The following LINGO1 variants were observed in gnomAD, a reference collection of about 807,000 sequenced individuals.
LINGO1 encodes leucine-rich repeat and immunoglobulin-like domain-containing nogo receptor-interacting protein 1.
Under a neutral mutation model 37.3 loss-of-function variants are expected in LINGO1, and 11 were observed. The observed-to-expected ratio is 0.29, with a 90% CI of 0.19 to 0.49. The LOEUF is 0.49. LINGO1 is among the 20% of genes least tolerant of loss of function. The pLI is 0.99. For missense variants in LINGO1, 585 were observed against 878.2 expected (o/e 0.67, Z 4.22); for synonymous variants, 387 against 403.0 (o/e 0.96, Z 0.48).
At chr15:77,817,891 C>A (rs1253285700) in intron 1 of LINGO1, among the ~76,000 whole-genome samples, 2 of 152,166 alleles carry the variant, frequency 1.3e-5, no homozygotes, top group Non-Finnish European at 2.9e-5. Flanking sequence ...CTGAGAGATT[C>A]CAGAAGGATA....
intron 1 of LINGO1, among the ~76,000 whole-genome samples, chr15:77,776,351 C>A (rs949185006): frequency 6.6e-6 from 1 of 151,394 alleles, no homozygotes; most frequent in Admixed American, 6.6e-5. Context: ...TCCAGCACCC[C>A]CTCCACCATG....
chr15:77,664,141 G>GTGTGTGTC (rs1377834088), intron 3 of LINGO1, among the ~76,000 whole-genome samples: 1 of 126,648 alleles, frequency 7.9e-6, no homozygotes, highest in Admixed American at 7.5e-5. Context: ...GTGTGTGTGT[G>GTGTGTGTC]TGTGTGTGTG....
chr15:77,818,143 C>T (rs2077063423), intron 1 of LINGO1, among the ~76,000 whole-genome samples: 1 of 152,152 alleles, frequency 6.6e-6, no homozygotes, highest in Non-Finnish European at 1.5e-5. Flanking sequence ...GCTGGAAGGA[C>T]TCAGGAGCAA....
intron 1 of LINGO1, among the ~76,000 whole-genome samples, chr15:77,631,298 C>T (rs2074246883): frequency 6.6e-6 from 1 of 152,230 alleles, no homozygotes; most frequent in African/African-American, 2.4e-5. Context: ...CAGCCCCTAC[C>T]TCAGGGCCTC....
At chr15:77,711,886 G>C (rs541673568) in intron 2 of LINGO1, among the ~76,000 whole-genome samples, 160 of 150,864 alleles carry the variant, frequency 1.1e-3, no homozygotes, top group African/African-American at 3.7e-3. Context: ...TCCTCTGAGG[G>C]GGGGGCACAC....
chr15:77,663,263 G>A (rs749047241), intron 3 of LINGO1, among the ~76,000 whole-genome samples: 2 of 151,958 alleles, frequency 1.3e-5, no homozygotes, highest in African/African-American at 4.8e-5. Flanking sequence ...AGAAGAAAGC[G>A]GCTTTGGTGT....
intron 1 of LINGO1, among the ~76,000 whole-genome samples, chr15:77,776,107 T>A (rs909970096): frequency 6.6e-6 from 1 of 152,000 alleles, no homozygotes; most frequent in African/African-American, 2.4e-5. Context: ...TTTATGACAT[T>A]ACCCAAAAGC....
rs183468172 is a variant in LINGO1 at position 77,729,030 on chromosome 15, G to A, written c.-195+5962C>T. ...GCAAAGTGGAAAACCCACTCTCTGC[G>A]ATGACTGAATGTCCATTCTCTTTAA... On this transcript the variant is annotated intron_variant, in intron 2 of 3. Transcript: ENST00000561686. Among the ~76,000 whole-genome samples the A allele has an allele frequency of 2.2e-4, 33 of 152,320 alleles. No homozygotes were observed. In the East Asian group the frequency reaches 5.4e-3, roughly 25 times the overall value.
intron 3 of LINGO1, among the ~76,000 whole-genome samples, chr15:77,652,504 G>GTGTGTGTT (rs2074782530): frequency 6.6e-6 from 1 of 150,856 alleles, no homozygotes. Flanking sequence ...GTGTGTGTGT[G>GTGTGTGTT]TGTGTGTGTG....
At chr15:77,662,997 TG>T (rs2075031962) in intron 3 of LINGO1, among the ~76,000 whole-genome samples, 1 of 152,190 alleles carries the variant, frequency 6.6e-6, no homozygotes, top group Admixed American at 6.5e-5. Flanking sequence ...ACTCCGCCTC[TG>T]GGGGAAGGTG....
intron 1 of LINGO1, among the ~76,000 whole-genome samples, chr15:77,797,412 T>C (rs1343300881): frequency 2.6e-5 from 4 of 152,012 alleles, no homozygotes; most frequent in African/African-American, 9.7e-5. Flanking sequence ...TTCTGTGTAT[T>C]GGAAAAAAAA....
At chr15:77,788,118 G>C (rs1208308305), upstream of LINGO1, 1 of 152,400 alleles carries the variant, frequency 6.6e-6, no homozygotes, top group South Asian at 2.1e-4. Flanking sequence ...CCAACCCACA[G>C]CGAGACACCT....
chr15:77,690,565 A>G (rs2075585990), intron 2 of LINGO1, among the ~76,000 whole-genome samples: 1 of 152,250 alleles, frequency 6.6e-6, no homozygotes, highest in Admixed American at 6.5e-5. Context: ...TTTTAATGAA[A>G]TAGGGTTTGT....
At chr15:77,697,212 C>T (rs1040243069), upstream of LINGO1, among the ~76,000 whole-genome samples, 13 of 152,114 alleles carry the variant, frequency 8.5e-5, no homozygotes, top group African/African-American at 2.7e-4. Flanking sequence ...CGGGGTCAGG[C>T]GGGGGCAGAA....
At position 77,656,302 on chromosome 15, in the gene LINGO1, C is replaced by T. The variant is rs541089742; in HGVS notation, c.-13+20787G>A. The stretch of plus-strand genomic sequence containing the variant: ...CAGCCCCAGACAGCTCCACTGCTCC[C>T]TCCTGGCTGCCTCTGACTCTCTCTC... On this transcript the variant is annotated intron_variant, in intron 3 of 3. Coordinates refer to the LINGO1 transcript ENST00000559893. 6.0e-4 allele frequency among the ~76,000 whole-genome samples: 91 copies of T among 152,308 alleles called. 2 individuals carry two copies. The highest frequency in any genetic ancestry group is 4.4e-3 in the Admixed American group (67 of 15,306).
At chr15:77,793,918 A>C (rs1397898492) in intron 2 of LINGO1, among the ~76,000 whole-genome samples, 2 of 152,204 alleles carry the variant, frequency 1.3e-5, no homozygotes, top group Admixed American at 1.3e-4. Flanking sequence ...GAAAAATAAA[A>C]TGTTTGAAAA....
intron 3 of LINGO1, among the ~76,000 whole-genome samples, chr15:77,652,547 A>G (rs899220824): frequency 7.3e-6 from 1 of 136,304 alleles, no homozygotes; most frequent in African/African-American, 2.8e-5. Context: ...GAATACGGAA[A>G]TCACATTTCC....
upstream of LINGO1, among the ~76,000 whole-genome samples, chr15:77,638,328 AC>A (rs1344322166): frequency 2.6e-5 from 4 of 152,186 alleles, no homozygotes; most frequent in African/African-American, 9.7e-5. Context: ...ACCTTGAGTT[AC>A]TGTGGGATGC....
At position 77,632,835 on chromosome 15, in the gene LINGO1, C is replaced by T. The variant is rs1040582818; in HGVS notation, c.-520G>A. 2.4e-4 allele frequency among the ~76,000 whole-genome samples: 36 copies of T among 148,952 alleles called. No individual in the cohort carries two copies. Among genetic ancestry groups the T allele is most frequent in the African/African-American group, 8.5e-4 (35 of 41,070 alleles). ...CCGCCGCCGCCGCCGCCTGCGCTGT[C>T]GCCCGCCGCCCGCTCCGGCTCCCGC... On this transcript the variant is annotated 5_prime_UTR_variant, in exon 1 of 2. Transcript: ENST00000355300. This position sits in a 1 kb window ranked among gnomAD's most constrained non-coding sequence, Gnocchi z 6.0.
Sources: gnomAD v4.1 joint callset for allele counts (sites outside exome capture counted in the v4.1 genomes callset) on GRCh38, gnomAD v4.1.1 for gene constraint, Gnocchi (gnomAD v3.1) non-coding constraint, MANE v1.5 for transcripts, NCBI Gene and HGNC (gene_info 2026-07-23, HGNC 2026-07-21) for gene names.